Variants in CARD8 observed in about 807,000 individuals in gnomAD.
The protein encoded by CARD8 is caspase recruitment domain-containing protein 8.
In CARD8, 38 loss-of-function variants were observed where a neutral mutation model predicts 53.2. The observed-to-expected ratio is 0.71, with a 90% CI of 0.55 to 0.94. The LOEUF is 0.94. Among genes scored for constraint, CARD8 ranks in the 40% least tolerant of loss-of-function variants. The pLI is 0.00. For missense variants in CARD8, 561 were observed against 655.5 expected (o/e 0.86, Z 1.57); for synonymous variants, 245 against 244.9 (o/e 1.00, Z 0.00).
chr19:48,236,430 T>C (rs2043895004), intron 5 of CARD8, among the ~76,000 whole-genome samples: 1 of 152,092 alleles, frequency 6.6e-6, no homozygotes, highest in African/African-American at 2.4e-5. Context: ...GCCAGGCTGG[T>C]CTCCAACTCC....
intron 12 of CARD8, 86 bp from the exon 13 acceptor site, chr19:48,215,470 GA>G: frequency 1.1e-6 from 1 of 890,516 alleles, no homozygotes; most frequent in South Asian, 1.4e-5. Context: ...GCAACCAACT[GA>G]AATAATTTAA....
intron 8 of CARD8, 106 bp from the exon 9 acceptor site, chr19:48,231,112 C>A: frequency 1.2e-6 from 1 of 846,310 alleles, no homozygotes; most frequent in Admixed American, 2.2e-5. Context: ...GGTTCAGGAC[C>A]CATCTGCGAC....
At chr19:48,219,693 G>A (rs533191618) in intron 11 of CARD8, among the ~76,000 whole-genome samples, 9 of 152,044 alleles carry the variant, frequency 5.9e-5, no homozygotes, top group South Asian at 2.1e-4. Flanking sequence ...CCTCTAGGGC[G>A]GGCGCGGTGA....
intron 1 of CARD8, among the ~76,000 whole-genome samples, chr19:48,255,435 A>G (rs189053174): frequency 1.7e-3 from 254 of 152,346 alleles, no homozygotes; most frequent in Non-Finnish European, 3.3e-3. Context: ...ACTTCTAATA[A>G]TTAAAGTTAT....
At position 48,221,829 on chromosome 19, in the gene CARD8, GA is replaced by G; in HGVS notation, c.1061del (p.Phe354SerfsTer15). 6.2e-7 allele frequency: 1 copy of G among 1,606,382 alleles called. No individual in the cohort carries two copies. The highest frequency in any genetic ancestry group is 8.5e-7 in the Non-Finnish European group (1 of 1,174,694). The part of the protein sequence containing the change: ...TKAIDDEEDR[F>X]HGVRLQTSPP... The stretch of plus-strand genomic sequence containing the variant: ...GCGAAGTCTGCAGGCGCACACCATG[GA>G]AGCGATCTTCCTCATCATCTATCGC... On this transcript the variant is annotated frameshift_variant, in exon 11 of 14. Coordinates refer to ENST00000651546, the MANE Select transcript of CARD8 (RefSeq NM_001184900.3). LOFTEE classifies it high-confidence loss of function.
At chr19:48,242,547 G>A (rs1449563747) in intron 3 of CARD8, 1 of 152,094 alleles carries the variant, frequency 6.6e-6, no homozygotes, top group Non-Finnish European at 1.5e-5. Flanking sequence ...CACCTCCTTT[G>A]CTTTCATGGC....
intron 10 of CARD8, among the ~76,000 whole-genome samples, chr19:48,224,509 C>A (rs1433895461): frequency 1.3e-5 from 2 of 152,100 alleles, no homozygotes; most frequent in Non-Finnish European, 2.9e-5. Context: ...CATGCTATTG[C>A]CGGCCATTCA....
At chr19:48,205,552 A>G (rs1441531818), downstream of CARD8, among the ~76,000 whole-genome samples, 1 of 152,122 alleles carries the variant, frequency 6.6e-6, no homozygotes, top group Non-Finnish European at 1.5e-5. Context: ...TTAAACAGAT[A>G]ATATATAATA....
intron 7 of CARD8, 136 bp from the exon 8 acceptor site, chr19:48,231,946 C>T: frequency 1.3e-6 from 1 of 771,156 alleles, no homozygotes; most frequent in Non-Finnish European, 2.3e-6. Context: ...CCAGAATATG[C>T]AGTTTCGCTT....
chr19:48,219,536 A>G (rs2040058386), intron 11 of CARD8, among the ~76,000 whole-genome samples: 1 of 152,140 alleles, frequency 6.6e-6, no homozygotes, highest in African/African-American at 2.4e-5. Flanking sequence ...AGCTCATGCA[A>G]ATCTCTAGTT....
At chr19:48,252,059 T>C (rs1051872977) in intron 1 of CARD8, among the ~76,000 whole-genome samples, 2 of 152,204 alleles carry the variant, frequency 1.3e-5, no homozygotes, top group African/African-American at 4.8e-5. Context: ...TACCCAACCA[T>C]CTGCCCTTTT....
intron 4 of CARD8, among the ~76,000 whole-genome samples, chr19:48,240,704 G>A (rs1272836390): frequency 6.6e-6 from 1 of 151,886 alleles, no homozygotes; most frequent in East Asian, 1.9e-4. Flanking sequence ...AGGAGGCAGA[G>A]GTTGTAGTGA....
intron 5 of CARD8, 191 bp downstream of exon 5, chr19:48,238,191 CT>C: frequency 1.2e-5 from 13 of 1,085,496 alleles, no homozygotes; most frequent in East Asian, 2.9e-5. Context: ...GGGCTCAGAC[CT>C]TTTTTCCCTA....
At chr19:48,218,284 T>C (rs1275784017) in intron 12 of CARD8, among the ~76,000 whole-genome samples, 4 of 152,004 alleles carry the variant, frequency 2.6e-5, no homozygotes, top group Non-Finnish European at 5.9e-5. Context: ...TGTGCCATGG[T>C]GGTTTGCTGC....
rs1232692955 is a variant in CARD8 at position 48,219,018 on chromosome 19, G to C, written c.1162-6C>G. On this transcript the variant is annotated splice_region_variant and splice_polypyrimidine_tract_variant and intron_variant, in intron 11 of 13. Transcript: ENST00000651546. ...CTGTAGGACAATTTCAACTCCTAGA[G>C]GAAACACATCAGTTGACTTGAAGCA... 1 of 1,613,936 alleles carries C rather than the reference G, an allele frequency of 6.2e-7. No homozygotes were observed. The highest frequency in any genetic ancestry group is 2.2e-5 in the East Asian group (1 of 44,874).
chr19:48,229,327 T>C (rs1555820397), intron 10 of CARD8, among the ~76,000 whole-genome samples: 1 of 151,996 alleles, frequency 6.6e-6, no homozygotes, highest in African/African-American at 2.4e-5. Context: ...GATTTGGGAA[T>C]GATGAAAGAA....
At chr19:48,234,843 T>C (rs1285861857) in intron 5 of CARD8, among the ~76,000 whole-genome samples, 2 of 152,216 alleles carry the variant, frequency 1.3e-5, no homozygotes, top group Admixed American at 6.5e-5. Context: ...ATTGGTTTCA[T>C]AATAGGTCAA....
At chr19:48,248,763 G>C (rs999756436) in intron 3 of CARD8, among the ~76,000 whole-genome samples, 2 of 152,220 alleles carry the variant, frequency 1.3e-5, no homozygotes, top group Non-Finnish European at 2.9e-5. Context: ...ATTATGGTTT[G>C]CTATCAGAAA....
intron 10 of CARD8, chr19:48,223,653 T>C (rs892908586): frequency 9.8e-6 from 3 of 304,944 alleles, no homozygotes; most frequent in Non-Finnish European, 1.9e-5. Context: ...AATCACCAAA[T>C]AAATCCATAT....
Sources: allele counts gnomAD v4.1 joint callset (sites outside exome capture counted in the v4.1 genomes callset), GRCh38; gene constraint gnomAD v4.1.1; transcripts MANE v1.5; gene names NCBI Gene and HGNC (gene_info 2026-07-23, HGNC 2026-07-21).